KDM5A: variants seen among roughly 807,000 people sequenced by gnomAD.
KDM5A encodes lysine demethylase 5A.
In KDM5A, 42 loss-of-function variants were observed where a neutral mutation model predicts 193.5. The observed-to-expected ratio is 0.22, with a 90% CI of 0.17 to 0.28. The LOEUF is 0.28. Ranked by LOEUF, KDM5A falls within the 10% of genes least tolerant of loss-of-function variation. The pLI is 1.00. For synonymous variants in KDM5A, 796 were observed against 718.1 expected (o/e 1.11, Z -1.73); for missense variants, 1,692 against 2,055.1 (o/e 0.82, Z 3.42).
In KDM5A at chr12:331,995, G is replaced by A. The variant is rs1249961122; in HGVS notation, c.1654-57C>T. ...ATAAAAAATAAAAATAACAAACAGAGGAAGACAGATTTTATTAGATAATTT... is the reference window on the plus strand; with the variant it reads ...ATAAAAAATAAAAATAACAAACAGAAGAAGACAGATTTTATTAGATAATTT... On this transcript the variant is annotated intron_variant, in intron 12 of 27. Transcript: ENST00000399788. 1.4e-5 allele frequency: 21 copies of A among 1,508,044 alleles called. No homozygotes were observed. In the East Asian group the frequency reaches 4.9e-4, roughly 35 times the overall value. The allele number at this position is 1,508,044 out of a possible 1,614,324, so 93.4% of individuals were successfully genotyped here.
At chr12:368,254 G>A (rs1012950638) in intron 3 of KDM5A, among the ~76,000 whole-genome samples, 1 of 152,172 alleles carries the variant, frequency 6.6e-6, no homozygotes, top group African/African-American at 2.4e-5. Flanking sequence ...GCCAGGAGTG[G>A]TGGAAGGGAG....
chr12:356,296 A>G (rs1437199950), intron 6 of KDM5A, 136 bp downstream of exon 6: 1 of 674,742 alleles, frequency 1.5e-6, no homozygotes, highest in East Asian at 2.7e-5. Flanking sequence ...AAAAAAGGCG[A>G]TTTGCCTAGG....
Position 292,971 on chromosome 12 carries a change from C to T in KDM5A, c.4654G>A (p.Ala1552Thr), listed in dbSNP as rs528947157. 2 of 1,612,156 alleles carry T rather than the reference C, an allele frequency of 1.2e-6. No homozygotes were observed. The highest frequency in any genetic ancestry group is 2.7e-5 in the African/African-American group (2 of 74,786). Residue 1552 changes from alanine (A) to threonine (T), a missense_variant, in exon 27 of 28, where the codon GCC becomes ACC. By Grantham distance (58) the Ala-to-Thr change is moderately conservative. Coordinates refer to ENST00000399788, the MANE Select transcript of KDM5A (RefSeq NM_001042603.3). ...ADKSKELNKL[A>T]KKLAKEEERK... ...TCTTCTTCTTTTGCTAGTTTCTTGGCCAGTTTATTCAGCTCCTTTGATTTG... is the reference window on the plus strand; with the variant it reads ...TCTTCTTCTTTTGCTAGTTTCTTGGTCAGTTTATTCAGCTCCTTTGATTTG...
At chr12:370,111 G>A (rs1454553654) in intron 3 of KDM5A, among the ~76,000 whole-genome samples, 1 of 152,192 alleles carries the variant, frequency 6.6e-6, no homozygotes, top group South Asian at 2.1e-4. Flanking sequence ...ATACAAACCA[G>A]GCCAGGCATA....
In KDM5A at chr12:282,204, G is replaced by A. The variant is rs188496470; in HGVS notation, c.*3252C>T. The A allele has an allele frequency of 1.1e-4, 27 of 244,810 alleles. No homozygotes were observed. Among genetic ancestry groups the A allele is most frequent in the African/African-American group, 4.6e-4 (21 of 45,610 alleles). The allele number at this position is 244,810 out of a possible 1,614,324, so 15.2% of individuals were successfully genotyped here. On this transcript the variant is annotated 3_prime_UTR_variant, in exon 28 of 28. Transcript: ENST00000399788. ...GAGACAGACAGACACATGGGGTCTCGCTGTTGACCAGGCGGGACTCAAACT... is the reference window on the plus strand; with the variant it reads ...GAGACAGACAGACACATGGGGTCTCACTGTTGACCAGGCGGGACTCAAACT...
At chr12:287,692 G>A (rs891126662) in intron 27 of KDM5A, among the ~76,000 whole-genome samples, 5 of 152,096 alleles carry the variant, frequency 3.3e-5, no homozygotes, top group African/African-American at 1.2e-4. Flanking sequence ...GAGATACCAT[G>A]CTTTTTATAA....
In KDM5A at chr12:280,567, G is replaced by C. The variant is rs1405906876; in HGVS notation, c.*4889C>G. 1 of 233,014 alleles carries C rather than the reference G, an allele frequency of 4.3e-6. No homozygotes were observed. The highest frequency in any genetic ancestry group is 6.0e-5 in the East Asian group (1 of 16,598). The allele number at this position is 233,014 out of a possible 1,614,324, so 14.4% of individuals were successfully genotyped here. A position where few individuals can be genotyped will look rare whatever the true frequency, so the allele number is the denominator to read the frequency against. ...GCAGAGTCTTAACATTTTCAGAAATGATCCGTCCTTCATATCTGCATAAGC... is the reference window on the plus strand; with the variant it reads ...GCAGAGTCTTAACATTTTCAGAAATCATCCGTCCTTCATATCTGCATAAGC... On this transcript the variant is annotated 3_prime_UTR_variant, in exon 28 of 28. Coordinates refer to ENST00000399788, the MANE Select transcript of KDM5A (RefSeq NM_001042603.3).
rs1419955404 is a variant in KDM5A at position 319,739 on chromosome 12, G to A, written c.2541+1256C>T. Among the ~76,000 whole-genome samples the A allele has an allele frequency of 5.3e-5, 8 of 152,032 alleles. 1 individual carries two copies. Among genetic ancestry groups the A allele is most frequent in the African/African-American group, 1.7e-4 (7 of 41,396 alleles). On this transcript the variant is annotated intron_variant, in intron 18 of 27. Coordinates refer to ENST00000399788, the MANE Select transcript of KDM5A (RefSeq NM_001042603.3). ...ACTGTACTGCAGCCTGGATGACAGA[G>A]CCAGACGCTGTCTCAAAAAGAAAAG...
At chr12:317,588 C>T (rs1943664605) in intron 19 of KDM5A, among the ~76,000 whole-genome samples, 1 of 152,194 alleles carries the variant, frequency 6.6e-6, no homozygotes, top group Non-Finnish European at 1.5e-5. Flanking sequence ...AAACGGTCTA[C>T]ATGTAGCCCC....
intron 3 of KDM5A, among the ~76,000 whole-genome samples, chr12:368,962 A>G (rs1208634674): frequency 6.6e-6 from 1 of 152,226 alleles, no homozygotes; most frequent in African/African-American, 2.4e-5. Flanking sequence ...GAGGGTACAC[A>G]TACTAAAAAT....
Position 334,436 on chromosome 12 carries a change from A to G in KDM5A, c.1309-14T>C. 1.2e-6 allele frequency: 2 copies of G among 1,605,980 alleles called. No homozygotes were observed. Among genetic ancestry groups the G allele is most frequent in the Non-Finnish European group, 1.7e-6 (2 of 1,172,914 alleles). On this transcript the variant is annotated splice_polypyrimidine_tract_variant and intron_variant, in intron 10 of 27. Transcript: ENST00000399788. ...AAGTGCATATTCCTATAAGAGAAGA[A>G]AAAACTGTAAATGAAAGATCAGAAA...
chr12:290,225 T>C (rs1048121070), intron 27 of KDM5A, among the ~76,000 whole-genome samples: 12 of 152,212 alleles, frequency 7.9e-5, no homozygotes, highest in African/African-American at 2.9e-4. Context: ...TTTACAGAAA[T>C]TTTTATAGAA....
chr12:368,328 A>G (rs1246820705), intron 3 of KDM5A, among the ~76,000 whole-genome samples: 10 of 152,186 alleles, frequency 6.6e-5, no homozygotes, highest in Admixed American at 6.5e-4. Flanking sequence ...ATGCCACTCA[A>G]CTGTGTATTT....
intron 3 of KDM5A, among the ~76,000 whole-genome samples, chr12:369,344 T>G (rs1944397506): frequency 6.6e-6 from 1 of 152,230 alleles, no homozygotes; most frequent in African/African-American, 2.4e-5. Context: ...CAGCTACTAT[T>G]CTAGGTACCT....
chr12:373,794 G>T lies in KDM5A; in HGVS notation c.367-7690C>A, dbSNP rs7966522. ...GGTATGTTGTGTTTTTGTTCTCATT[G>T]GTTTCAAAGAACATCTTTATTTCTG... On this transcript the variant is annotated intron_variant, in intron 3 of 27. Coordinates refer to ENST00000399788, the MANE Select transcript of KDM5A (RefSeq NM_001042603.3). 3.0e-3 allele frequency among the ~76,000 whole-genome samples: 455 copies of T among 152,244 alleles called. 1 individual carries two copies. Among genetic ancestry groups the T allele is most frequent in the African/African-American group, 0.01 (434 of 41,526 alleles).
chr12:322,131 T>C (rs1353578903), intron 17 of KDM5A: 2 of 362,640 alleles, frequency 5.5e-6, no homozygotes, highest in South Asian at 4.5e-5. Context: ...ACAAGCCACC[T>C]GGATACGGTG....
intron 20 of KDM5A, among the ~76,000 whole-genome samples, chr12:312,390 A>G (rs187939700): frequency 2.6e-5 from 4 of 152,310 alleles, no homozygotes; most frequent in Admixed American, 2.6e-4. Context: ...TGCTCAGTAA[A>G]TGTTAATTTC....
chr12:286,880 G>A (rs1418139404), intron 27 of KDM5A, among the ~76,000 whole-genome samples: 1 of 152,100 alleles, frequency 6.6e-6, no homozygotes, highest in Non-Finnish European at 1.5e-5. Context: ...TAGATCTTAA[G>A]AGACAATATT....
chr12:323,915 C>T, intron 14 of KDM5A, 134 bp from the exon 15 acceptor site: 2 of 729,532 alleles, frequency 2.7e-6, no homozygotes, highest in Non-Finnish European at 2.4e-6. Flanking sequence ...AATGGCACAA[C>T]ATCAAAATAC....
Sources: allele counts gnomAD v4.1 joint callset (sites outside exome capture counted in the v4.1 genomes callset), GRCh38; gene constraint gnomAD v4.1.1; transcripts MANE v1.5; gene names NCBI Gene and HGNC (gene_info 2026-07-23, HGNC 2026-07-21).